Variants in NHSL1 observed in about 807,000 individuals in gnomAD.
The protein encoded by NHSL1 is NHS-like protein 1.
NHSL1 carries 48 observed loss-of-function variants against 95.0 expected under a neutral mutation model. That is an observed-to-expected ratio of 0.51 (90% CI 0.40 to 0.64). The LOEUF is 0.64. Ranked by LOEUF, NHSL1 falls within the 30% of genes least tolerant of loss-of-function variation. The probability of loss-of-function intolerance (pLI) is 0.00; values close to 1 mark genes in which losing one functional copy is unlikely to be tolerated. For synonymous variants in NHSL1, 783 were observed against 833.9 expected (o/e 0.94, Z 1.05); for missense variants, 1,971 against 2,077.7 (o/e 0.95, Z 1.00).
chr6:138,634,987 A>G (rs551521218), intron 1 of NHSL1, among the ~76,000 whole-genome samples: 46 of 152,162 alleles, frequency 3.0e-4, no homozygotes, highest in Admixed American at 2.7e-3. Flanking sequence ...GATTTCTTAA[A>G]TGATAATGGA....
intron 1 of NHSL1, 64 bp downstream of exon 1, chr6:138,499,169 G>A (rs1780534872): frequency 1.9e-6 from 2 of 1,033,374 alleles, no homozygotes; most frequent in Admixed American, 2.1e-5. Flanking sequence ...AGACACACAG[G>A]GACATATACA....
intron 1 of NHSL1, among the ~76,000 whole-genome samples, chr6:138,603,479 G>A (rs1459814857): frequency 6.6e-6 from 1 of 152,176 alleles, no homozygotes. Context: ...TGTAAATAGT[G>A]TTTTGAAGGT....
At chr6:138,532,181 A>G (rs1347012194) in intron 1 of NHSL1, among the ~76,000 whole-genome samples, 1 of 152,216 alleles carries the variant, frequency 6.6e-6, no homozygotes, top group East Asian at 1.9e-4. Context: ...CGTGCCAAGG[A>G]AGGTGAACAC....
intron 1 of NHSL1, among the ~76,000 whole-genome samples, chr6:138,528,040 C>G (rs4243453): frequency 0.25 from 38,024 of 152,070 alleles, 5,815 homozygotes; most frequent in Middle Eastern, 0.48. Flanking sequence ...GGGCCATATT[C>G]CAATCCATAT....
chr6:138,598,647 A>G (rs1433446356), intron 1 of NHSL1, among the ~76,000 whole-genome samples: 2 of 150,146 alleles, frequency 1.3e-5, no homozygotes, highest in African/African-American at 2.5e-5. Flanking sequence ...AAAAAAAAAA[A>G]GCAGCATTTT....
At chr6:138,578,678 A>C (rs1041220383) in intron 1 of NHSL1, among the ~76,000 whole-genome samples, 1 of 152,098 alleles carries the variant, frequency 6.6e-6, no homozygotes, top group African/African-American at 2.4e-5. Context: ...TATTTTTTTT[A>C]ATCTACTCAA....
At chr6:138,498,437 G>A (rs1361993832) in intron 1 of NHSL1, among the ~76,000 whole-genome samples, 1 of 152,082 alleles carries the variant, frequency 6.6e-6, no homozygotes, top group East Asian at 1.9e-4. Flanking sequence ...CAGAAAATCA[G>A]CCCACCGTGC....
chr6:138,476,510 G>A (rs1357171726), intron 2 of NHSL1, among the ~76,000 whole-genome samples: 1 of 152,070 alleles, frequency 6.6e-6, no homozygotes, highest in East Asian at 1.9e-4. Context: ...GAGGGAGGAT[G>A]GAAGGAGGGT....
chr6:138,617,166 G>T (rs1784591656), intron 1 of NHSL1, among the ~76,000 whole-genome samples: 1 of 152,176 alleles, frequency 6.6e-6, no homozygotes, highest in Non-Finnish European at 1.5e-5. Flanking sequence ...AGGAGGAAAA[G>T]GTGACCACAT....
At position 138,603,876 on chromosome 6, in the gene NHSL1, T is replaced by A. The variant is rs575585163; in HGVS notation, c.96+88600A>T. 2.6e-5 allele frequency among the ~76,000 whole-genome samples: 4 copies of A among 152,302 alleles called. No homozygotes were observed. The East Asian group carries it at 7.7e-4, about 29-fold the overall frequency. On this transcript the variant is annotated intron_variant, in intron 1 of 3. Transcript: ENST00000491526. ...TACCAACCACATATAAAAGAGAGAA[T>A]GTGTAAAACATATCATGAATTTTAA...
chr6:138,437,436 ACACACACAC>A (rs1158554449), intron 5 of NHSL1, among the ~76,000 whole-genome samples: 7 of 38,142 alleles, frequency 1.8e-4, no homozygotes, highest in African/African-American at 4.3e-4. Context: ...ACACACACAC[ACACACACAC>A]AAAAAAAAAA....
At chr6:138,623,648 C>T (rs998230226) in intron 1 of NHSL1, among the ~76,000 whole-genome samples, 10 of 152,122 alleles carry the variant, frequency 6.6e-5, no homozygotes, top group African/African-American at 2.4e-4. Context: ...ATTTTGTATC[C>T]TTTGACCTAC....
chr6:138,615,002 G>A (rs896588363), intron 1 of NHSL1, among the ~76,000 whole-genome samples: 1 of 145,110 alleles, frequency 6.9e-6, no homozygotes, highest in Non-Finnish European at 1.5e-5. Flanking sequence ...GAGGACCACT[G>A]CCCTAGATCA....
At chr6:138,622,153 AAAG>A (rs2114630912) in intron 1 of NHSL1, among the ~76,000 whole-genome samples, 1 of 152,316 alleles carries the variant, frequency 6.6e-6, no homozygotes, top group East Asian at 1.9e-4. Context: ...AAGGATGGGG[AAAG>A]AAGAAGGTGA....
Position 138,423,940 on chromosome 6 carries a change from A to T in NHSL1, c.*141T>A. ...CTAAATAACCGTTCACTCACACTGC[A>T]GGGCTGGCAACCCCGGGGCCCACAG... On this transcript the variant is annotated 3_prime_UTR_variant, in exon 8 of 8. Transcript: ENST00000343505. 1.3e-6 allele frequency: 1 copy of T among 789,146 alleles called. No individual in the cohort carries two copies. The highest frequency in any genetic ancestry group is 1.7e-6 in the Non-Finnish European group (1 of 578,902). 48.9% of individuals were successfully genotyped at this position (789,146 alleles called of 1,614,324 possible).
intron 1 of NHSL1, among the ~76,000 whole-genome samples, chr6:138,535,575 G>A (rs908244013): frequency 1.1e-4 from 17 of 151,930 alleles, no homozygotes; most frequent in Admixed American, 2.0e-4. Context: ...TCCCCTCCCC[G>A]ACACCCCCTT....
At position 138,433,674 on chromosome 6, in the gene NHSL1, C is replaced by T. The variant is rs532069155; in HGVS notation, c.671G>A (p.Gly224Asp). ...PDNIQKELAS[G>D]TGQDDADGHS... ...GCCATCAGCATCATCTTGGCCAGTGCCTGATGCTGGAGATAAAGCAGAAAG... is the reference window on the plus strand; with the variant it reads ...GCCATCAGCATCATCTTGGCCAGTGTCTGATGCTGGAGATAAAGCAGAAAG... Residue 224 changes from glycine (G) to aspartate (D), a missense_variant, in exon 6 of 8, where the codon GGC becomes GAC. Coordinates refer to ENST00000343505, the MANE Select transcript of NHSL1 (RefSeq NM_001144060.2). 32 of 1,526,960 alleles carry T rather than the reference C, an allele frequency of 2.1e-5. No individual in the cohort carries two copies. In the South Asian group the frequency reaches 3.8e-4, roughly 18 times the overall value. The allele number at this position is 1,526,960 out of a possible 1,614,324, so 94.6% of individuals were successfully genotyped here.
intron 1 of NHSL1, among the ~76,000 whole-genome samples, chr6:138,594,300 C>T (rs62432527): frequency 0.027 from 4,056 of 152,250 alleles, 75 homozygotes; most frequent in Non-Finnish European, 0.038. Context: ...GTGGGAGTAT[C>T]TATTCAGTCA....
At chr6:138,453,023 T>G (rs1458915515) in intron 3 of NHSL1, among the ~76,000 whole-genome samples, 1 of 152,174 alleles carries the variant, frequency 6.6e-6, no homozygotes, top group East Asian at 1.9e-4. Flanking sequence ...CAGGCTAGAG[T>G]GCAGTGTAGT....
Sources: allele counts gnomAD v4.1 joint callset (sites outside exome capture counted in the v4.1 genomes callset), GRCh38; gene constraint gnomAD v4.1.1; transcripts MANE v1.5; gene names NCBI Gene and HGNC (gene_info 2026-07-23, HGNC 2026-07-21).